TPT1: variants seen among roughly 807,000 people sequenced by gnomAD.
The protein encoded by TPT1 is translationally-controlled tumor protein.
In TPT1, 5 loss-of-function variants were observed where a neutral mutation model predicts 22.8. The ratio of observed to expected loss-of-function variants is 0.22; its 90% CI spans 0.11 to 0.46. The LOEUF (loss-of-function observed/expected upper bound fraction) is 0.46. TPT1 is among the 20% of genes least tolerant of loss of function. The pLI, the probability that TPT1 is intolerant of heterozygous loss-of-function variation, is 0.99. For synonymous variants in TPT1, 89 were observed against 73.6 expected (o/e 1.21, Z -1.07); for missense variants, 130 against 218.7 (o/e 0.59, Z 2.56).
intron 5 of TPT1, chr13:45,338,292 G>C (rs1003443553): frequency 4.3e-6 from 1 of 233,598 alleles, no homozygotes; most frequent in African/African-American, 2.3e-5. Flanking sequence ...GCTAATTTTT[G>C]TATTTTTAGC....
At position 45,335,345 on chromosome 13, in the gene TPT1, C is replaced by T. The variant is rs571848839; in HGVS notation, c.*2041G>A. The T allele has an allele frequency of 2.0e-5, 3 of 152,166 alleles. No homozygotes were observed. The highest frequency in any genetic ancestry group is 4.4e-5 in the Non-Finnish European group (3 of 68,040). The allele number at this position is 152,166 out of a possible 1,614,324, so 9.4% of individuals were successfully genotyped here. Reference sequence around the variant, plus strand: ...TGGATGTTGGGAAAACAGCTAAGAGCACTGAAAGGACAACTGGGGAAATAC... The same window carrying T: ...TGGATGTTGGGAAAACAGCTAAGAGTACTGAAAGGACAACTGGGGAAATAC... On this transcript the variant is annotated 3_prime_UTR_variant, in exon 6 of 6. Coordinates refer to ENST00000530705, the MANE Select transcript of TPT1 (RefSeq NM_003295.4).
Position 45,334,779 on chromosome 13 carries a change from G to A in TPT1, c.*2607C>T, listed in dbSNP as rs879859928. On this transcript the variant is annotated 3_prime_UTR_variant, in exon 6 of 6. Coordinates refer to ENST00000530705, the MANE Select transcript of TPT1 (RefSeq NM_003295.4). ...TAACTCTTCTGCTCAGAGCGCCTGT[G>A]GTTTCCTTGAGGTCTGGTCTTCCTT... The A allele has an allele frequency of 2.4e-4, 36 of 152,198 alleles. No homozygotes were observed. Among genetic ancestry groups the A allele is most frequent in the African/African-American group, 8.7e-4 (36 of 41,434 alleles). 9.4% of individuals were successfully genotyped at this position (152,198 alleles called of 1,614,324 possible).
Position 45,341,129 on chromosome 13 carries a change from C to A in TPT1, c.-60G>T, listed in dbSNP as rs551882549. ...CTTAGCACGAGCCTGAAACTCGGAG[C>A]GAGCGCGGTGCAGCCGGAGCGGCGC... On this transcript the variant is annotated 5_prime_UTR_variant, in exon 1 of 6. Coordinates refer to ENST00000530705, the MANE Select transcript of TPT1 (RefSeq NM_003295.4). The A allele has an allele frequency of 1.3e-5, 21 of 1,601,676 alleles. No homozygotes were observed. Among genetic ancestry groups the A allele is most frequent in the South Asian group, 1.1e-4 (10 of 89,606 alleles).
Position 45,335,160 on chromosome 13 carries a change from AG to A in TPT1, c.*2225del, listed in dbSNP as rs1275258656. On this transcript the variant is annotated 3_prime_UTR_variant, in exon 6 of 6. Transcript: ENST00000530705. Reference sequence around the variant, plus strand: ...TTCTTGCCCAAAACGTCTTGACCCTAGGAATAACGAGAAAAAGATATAAAAT... The same window carrying A: ...TTCTTGCCCAAAACGTCTTGACCCTAGAATAACGAGAAAAAGATATAAAAT... The A allele has an allele frequency of 1.3e-5, 2 of 152,174 alleles. No individual in the cohort carries two copies. Among genetic ancestry groups the A allele is most frequent in the Non-Finnish European group, 2.9e-5 (2 of 68,034 alleles). 9.4% of individuals were successfully genotyped at this position (152,174 alleles called of 1,614,324 possible).
intron 5 of TPT1, chr13:45,338,399 G>GA (rs1878856637): frequency 3.6e-6 from 2 of 553,142 alleles, no homozygotes; most frequent in African/African-American, 2.0e-5. Flanking sequence ...AATTACAGGT[G>GA]TGAGCCACCA....
intron 2 of TPT1, 154 bp from the exon 3 acceptor site, chr13:45,340,338 C>T (rs1274450328): frequency 1.9e-6 from 2 of 1,052,034 alleles, no homozygotes; most frequent in Non-Finnish European, 2.9e-6. Flanking sequence ...GTGGATTTCT[C>T]AAAACGACCT....
At chr13:45,338,423 C>T (rs1878858451) in intron 5 of TPT1, 1 of 734,042 alleles carries the variant, frequency 1.4e-6, no homozygotes, top group Non-Finnish European at 2.0e-6. Flanking sequence ...CCAGCCTAAA[C>T]TGTACTTTAT....
chr13:45,340,453 C>A lies in TPT1; in HGVS notation c.102+259G>T, dbSNP rs977242890. 4.1e-5 allele frequency: 30 copies of A among 739,422 alleles called. No homozygotes were observed. In the Admixed American group the frequency reaches 6.0e-4, roughly 15 times the overall value. 45.8% of individuals were successfully genotyped at this position (739,422 alleles called of 1,614,324 possible). On this transcript the variant is annotated intron_variant, in intron 2 of 5. Coordinates refer to ENST00000530705, the MANE Select transcript of TPT1 (RefSeq NM_003295.4). ...CTCCGGTTGGTAAGTGGGGACAGGA[C>A]AAACACGAAAGGACTCCAGGCTCCT...
rs1457871467 is a variant in TPT1, at chr13:45,333,611, G to C, written c.*3775C>G. ...CAGAATTTACATCAACAAAAATCTA[G>C]TCATTTAACTAGATTTTGAAACTCC... On this transcript the variant is annotated 3_prime_UTR_variant, in exon 6 of 6. Transcript: ENST00000530705. 1 of 152,148 alleles carries C rather than the reference G, an allele frequency of 6.6e-6. No individual in the cohort carries two copies. Among genetic ancestry groups the C allele is most frequent in the Non-Finnish European group, 1.5e-5 (1 of 68,036 alleles). 9.4% of individuals were successfully genotyped at this position (152,148 alleles called of 1,614,324 possible). A position where few individuals can be genotyped will look rare whatever the true frequency, so the allele number is the denominator to read the frequency against.
rs1593554223 is a variant in TPT1 at position 45,337,343 on chromosome 13, G to C, written c.*43C>G. The C allele has an allele frequency of 6.2e-7, 1 of 1,602,042 alleles. No individual in the cohort carries two copies. On this transcript the variant is annotated 3_prime_UTR_variant, in exon 6 of 6. Transcript: ENST00000530705. ...TTGTGTGGATGACAAGCAGAAGCCA[G>C]TTATGATGACAGGTGATAGATCCAA...
rs1316133410 is a variant in TPT1, at chr13:45,335,012, G to GCTC, written c.*2371_*2373dup. 6.6e-6 allele frequency: 1 copy of GCTC among 152,080 alleles called. No homozygotes were observed. The highest frequency in any genetic ancestry group is 1.5e-5 in the Non-Finnish European group (1 of 68,012). The allele number at this position is 152,080 out of a possible 1,614,324, so 9.4% of individuals were successfully genotyped here. A position where few individuals can be genotyped will look rare whatever the true frequency, so the allele number is the denominator to read the frequency against. Reference sequence around the variant, plus strand: ...AGGACCTTCCTAGAAAAGTCCTCTTGCTCCACTCAGTTGTTCTCCACACTT... The same window carrying GCTC: ...AGGACCTTCCTAGAAAAGTCCTCTTGCTCCTCCACTCAGTTGTTCTCCACACTT... On this transcript the variant is annotated 3_prime_UTR_variant, in exon 6 of 6. Transcript: ENST00000530705.
chr13:45,335,463 G>A lies in TPT1; in HGVS notation c.*1923C>T, dbSNP rs1055996230. The A allele has an allele frequency of 2.0e-5, 3 of 152,180 alleles. No homozygotes were observed. Among genetic ancestry groups the A allele is most frequent in the African/African-American group, 7.2e-5 (3 of 41,432 alleles). 9.4% of individuals were successfully genotyped at this position (152,180 alleles called of 1,614,324 possible). On this transcript the variant is annotated 3_prime_UTR_variant, in exon 6 of 6. Transcript: ENST00000530705. Reference sequence around the variant, plus strand: ...CTACTTGTCTGTTTCAGGCTTCCAAGGCTAGTTCACCAATTAGCTTCCATC... The same window carrying A: ...CTACTTGTCTGTTTCAGGCTTCCAAAGCTAGTTCACCAATTAGCTTCCATC...
rs1337170030 is a variant in TPT1 at position 45,333,542 on chromosome 13, T to C, written c.*3844A>G. On this transcript the variant is annotated 3_prime_UTR_variant, in exon 6 of 6. Coordinates refer to ENST00000530705, the MANE Select transcript of TPT1 (RefSeq NM_003295.4). The stretch of plus-strand genomic sequence containing the variant: ...AATTTTACCATAATTATCACCAGTT[T>C]AGTTTGCAGTTAAGTTACTGACAAT... 1 of 152,240 alleles carries C rather than the reference T, an allele frequency of 6.6e-6. No homozygotes were observed. The highest frequency in any genetic ancestry group is 1.5e-5 in the Non-Finnish European group (1 of 68,042). 9.4% of individuals were successfully genotyped at this position (152,240 alleles called of 1,614,324 possible).
intron 5 of TPT1, chr13:45,338,129 T>A (rs1409501996): frequency 4.4e-5 from 7 of 160,188 alleles, no homozygotes; most frequent in Non-Finnish European, 9.5e-5. Context: ...TAAACTCTAC[T>A]GTATTTTTTT....
rs1051737860 is a variant in TPT1 at position 45,341,177 on chromosome 13, G to A, written c.-108C>T. 11 of 1,466,060 alleles carry A rather than the reference G, an allele frequency of 7.5e-6. No homozygotes were observed. The highest frequency in any genetic ancestry group is 1.7e-4 in the Middle Eastern group (1 of 5,840). 90.8% of individuals were successfully genotyped at this position (1,466,060 alleles called of 1,614,324 possible). A position where few individuals can be genotyped will look rare whatever the true frequency, so the allele number is the denominator to read the frequency against. On this transcript the variant is annotated 5_prime_UTR_variant, in exon 1 of 6. Transcript: ENST00000530705. ...CGCTCGGGGGGAGGGGGGAGCGGGC[G>A]GAAAAGGCCGACTCAGCCGCTCCCC...
Position 45,340,199 on chromosome 13 carries a change from AG to A in TPT1, c.103-16del. The A allele has an allele frequency of 6.2e-7, 1 of 1,603,006 alleles. No individual in the cohort carries two copies. The highest frequency in any genetic ancestry group is 1.3e-5 in the African/African-American group (1 of 74,504). On this transcript the variant is annotated splice_polypyrimidine_tract_variant and intron_variant, in intron 2 of 5. Transcript: ENST00000530705. ...CTACTGACCATCTGCATTAAGAAAA[AG>A]CAGTATAATTGCAAAAGACACAAAC... is the stretch of plus-strand genomic sequence containing the variant.
At chr13:45,337,523 A>C in intron 5 of TPT1, 135 bp from the exon 6 acceptor site, 3 of 1,613,704 alleles carry the variant, frequency 1.9e-6, no homozygotes, top group Non-Finnish European at 2.5e-6. Context: ...AAAGACAGAC[A>C]GAAAGCGCAG....
In TPT1 at chr13:45,334,459, G is replaced by C. The variant is rs891651551; in HGVS notation, c.*2927C>G. 1.3e-5 allele frequency: 2 copies of C among 152,166 alleles called. No homozygotes were observed. The highest frequency in any genetic ancestry group is 2.9e-5 in the Non-Finnish European group (2 of 68,036). 9.4% of individuals were successfully genotyped at this position (152,166 alleles called of 1,614,324 possible). Reference sequence around the variant, plus strand: ...GTTCTCCAGCTTAGACTTCTCTGAAGAATCAGCATCTCAAACTTAACACAT... The same window carrying C: ...GTTCTCCAGCTTAGACTTCTCTGAACAATCAGCATCTCAAACTTAACACAT... On this transcript the variant is annotated 3_prime_UTR_variant, in exon 6 of 6. Transcript: ENST00000530705.
chr13:45,338,587 AC>A (rs1878872283), intron 5 of TPT1, 72 bp downstream of exon 5: 1 of 1,572,640 alleles, frequency 6.4e-7, no homozygotes, highest in African/African-American at 1.4e-5. Context: ...TCTCAGTGTC[AC>A]AAAACAATTG....
Sources: gnomAD v4.1 joint callset for allele counts on GRCh38, gnomAD v4.1.1 for gene constraint, MANE v1.5 for transcripts, NCBI Gene and HGNC (gene_info 2026-07-23, HGNC 2026-07-21) for gene names.